NDUFA10: variants seen among roughly 807,000 people sequenced by gnomAD.
NDUFA10 encodes the protein NADH dehydrogenase [ubiquinone] 1 alpha subcomplex subunit 10, mitochondrial.
NDUFA10 carries 40 observed loss-of-function variants against 47.8 expected under a neutral mutation model. That is an observed-to-expected ratio of 0.84 (90% CI 0.65 to 1.09). The LOEUF (loss-of-function observed/expected upper bound fraction) is 1.09, where lower values mean the gene tolerates loss of function less well. NDUFA10 is among the 50% of genes least tolerant of loss of function. NDUFA10 has a pLI of 0.00. For missense variants in NDUFA10, 413 were observed against 451.1 expected, an observed-to-expected ratio of 0.92 and a Z score of 0.76; for synonymous variants, 183 against 172.2, an observed-to-expected ratio of 1.06 and a Z score of -0.49.
chr2:239,994,381 C>T (rs767283084), intron 8 of NDUFA10, among the ~76,000 whole-genome samples: 2 of 151,920 alleles, frequency 1.3e-5, no homozygotes, highest in East Asian at 3.9e-4. Flanking sequence ...CTATTGTGAA[C>T]TGTGCATACA....
At chr2:239,970,079 G>A (rs1023615505) in intron 9 of NDUFA10, among the ~76,000 whole-genome samples, 8 of 152,120 alleles carry the variant, frequency 5.3e-5, no homozygotes, top group South Asian at 2.1e-4. Context: ...AGAAAACCAC[G>A]CAGATGCATG....
chr2:239,932,593 T>G (rs11676583), intron 4 of NDUFA10, among the ~76,000 whole-genome samples: 20,485 of 152,124 alleles, frequency 0.13, 1,433 homozygotes, highest in South Asian at 0.15. Context: ...ATTTTTTTTT[T>G]TTTTGAGACG....
intron 8 of NDUFA10, among the ~76,000 whole-genome samples, chr2:240,002,678 C>A (rs1696774955): frequency 6.6e-6 from 1 of 152,112 alleles, no homozygotes; most frequent in Non-Finnish European, 1.5e-5. Context: ...ACATGAGGAC[C>A]CCACAGTGTG....
chr2:239,898,980 A>ATGATGGAGAGGTATGATGGAGAGGTG lies in NDUFA10; in HGVS notation c.295-3667_295-3666insCACCTCTCCATCATACCTCTCCATCA, dbSNP rs1553552299. Among the ~76,000 whole-genome samples, 40 of 80,038 alleles carry ATGATGGAGAGGTATGATGGAGAGGTG rather than the reference A, an allele frequency of 5.0e-4. 2 individuals carry two copies. The East Asian group carries it at 6.6e-3, about 13-fold the overall frequency. The allele number at this position is 80,038 out of a possible 152,430, so 52.5% of individuals were successfully genotyped here. On this transcript the variant is annotated intron_variant, in intron 4 of 5. Coordinates refer to the NDUFA10 transcript ENST00000419408. ...GTGTGGCAGGGTGTGATGAAGAGGT[A>ATGATGGAGAGGTATGATGGAGAGGTG]TGATGGAGAGGTGTGATGGAGAGGT...
intron 4 of NDUFA10, among the ~76,000 whole-genome samples, chr2:239,913,558 A>G (rs1192867678): frequency 6.6e-6 from 1 of 152,124 alleles, no homozygotes; most frequent in Non-Finnish European, 1.5e-5. Context: ...GTCTGCTACC[A>G]CTGCAGACAT....
chr2:239,964,084 G>A (rs1694963665), intron 9 of NDUFA10, among the ~76,000 whole-genome samples: 1 of 152,210 alleles, frequency 6.6e-6, no homozygotes, highest in African/African-American at 2.4e-5. Flanking sequence ...GCCCATGCAT[G>A]TGCAGGGGGC....
At chr2:239,996,183 C>T (rs1272855220) in intron 8 of NDUFA10, among the ~76,000 whole-genome samples, 6 of 152,200 alleles carry the variant, frequency 3.9e-5, no homozygotes, top group Non-Finnish European at 5.9e-5. Context: ...GACTTGAATA[C>T]CACCGTCAAT....
Position 239,959,512 on chromosome 2 carries a change from T to C in NDUFA10, c.*1606A>G. 1.0e-6 allele frequency: 1 copy of C among 985,476 alleles called. No individual in the cohort carries two copies. Among genetic ancestry groups the C allele is most frequent in the Non-Finnish European group, 1.2e-6 (1 of 829,936 alleles). 61.0% of individuals were successfully genotyped at this position (985,476 alleles called of 1,614,324 possible). ...CCCAATGCCCAGCTGTGCTTTCATTTCATGATTAAAGCTGTTGGTTTCCTA... is the reference window on the plus strand; with the variant it reads ...CCCAATGCCCAGCTGTGCTTTCATTCCATGATTAAAGCTGTTGGTTTCCTA... On this transcript the variant is annotated 3_prime_UTR_variant, in exon 10 of 10. Transcript: ENST00000252711.
At chr2:239,976,189 A>G (rs139711706) in intron 9 of NDUFA10, among the ~76,000 whole-genome samples, 131 of 152,288 alleles carry the variant, frequency 8.6e-4, no homozygotes, top group African/African-American at 2.8e-3. Flanking sequence ...ACAATGTGCA[A>G]TGCCCTCTGA....
chr2:239,902,764 T>C (rs13432076), intron 4 of NDUFA10, among the ~76,000 whole-genome samples: 128,846 of 152,094 alleles, frequency 0.85, 54,623 homozygotes, highest in East Asian at 0.99. Context: ...CACCGTTTAG[T>C]GGCAGGGTGG....
Position 240,014,786 on chromosome 2 carries a change from C to G in NDUFA10, c.622G>C (p.Asp208His), listed in dbSNP as rs200387097. 2.1e-5 allele frequency: 34 copies of G among 1,614,040 alleles called. No individual in the cohort carries two copies. The highest frequency in any genetic ancestry group is 2.7e-5 in the Non-Finnish European group (32 of 1,180,046). ...CTCTGGACCTCTGGAACGGGCACATCGATGTAAATCACCAGGTGGGGGGGC... is the reference window on the plus strand; with the variant it reads ...CTCTGGACCTCTGGAACGGGCACATGGATGTAAATCACCAGGTGGGGGGGC... ...YLPPHLVIYIDVPVPEVQRRI... is the reference protein window; with the variant it reads ...YLPPHLVIYIHVPVPEVQRRI... Residue 208 changes from aspartate (D) to histidine (H), a missense_variant, in exon 5 of 10, where the codon GAT (aspartate) becomes CAT (histidine). Asp to His is a moderately conservative substitution (Grantham distance 81). Transcript: ENST00000252711.
In NDUFA10 at chr2:240,021,195, A is replaced by T; in HGVS notation, c.460+2T>A. The T allele has an allele frequency of 6.2e-7, 1 of 1,612,766 alleles. No individual in the cohort carries two copies. On this transcript the variant is annotated splice_donor_variant, in intron 3 of 9. Transcript: ENST00000252711. LOFTEE classifies it high-confidence loss of function. Reference sequence around the variant, plus strand: ...AGATCTAACTGCCCAGAAATACTGCACCTGTGGTCAGCAAGTGCTCCAAGG... The same window carrying T: ...AGATCTAACTGCCCAGAAATACTGCTCCTGTGGTCAGCAAGTGCTCCAAGG...
chr2:239,915,599 TAC>T (rs528123556), intron 4 of NDUFA10, among the ~76,000 whole-genome samples: 5,736 of 120,988 alleles, frequency 0.047, 561 homozygotes, highest in African/African-American at 0.17. Flanking sequence ...GAGATACACA[TAC>T]ACACACACAC....
At chr2:240,012,197 CTCA>C (rs1697171190) in intron 5 of NDUFA10, 1 of 194,922 alleles carries the variant, frequency 5.1e-6, no homozygotes, top group Non-Finnish European at 1.1e-5. Flanking sequence ...TGTCACCTCT[CTCA>C]TCATCTGAAA....
At chr2:240,007,555 G>A (rs773576224) in intron 6 of NDUFA10, among the ~76,000 whole-genome samples, 185 bp from the exon 7 acceptor site, 1 of 152,194 alleles carries the variant, frequency 6.6e-6, no homozygotes, top group Non-Finnish European at 1.5e-5. Context: ...CATGTTAAAA[G>A]CCAGAATGTT....
At chr2:240,025,164 T>TGCCCCCCCCCCCCCCCCCCCCC in intron 1 of NDUFA10, 63 bp downstream of exon 1, 10 of 594,914 alleles carry the variant, frequency 1.7e-5, no homozygotes, top group East Asian at 3.4e-5. Context: ...GTGGAACTGC[T>TGCCCCCCCCCCCCCCCCCCCCC]CCCCACCCCG....
intron 8 of NDUFA10, among the ~76,000 whole-genome samples, chr2:240,004,991 T>G (rs558967050): frequency 6.6e-6 from 1 of 152,190 alleles, no homozygotes; most frequent in Non-Finnish European, 1.5e-5. Flanking sequence ...GTGTTGCACA[T>G]AGTGGAAGCA....
intron 4 of NDUFA10, among the ~76,000 whole-genome samples, chr2:239,923,133 AATAC>A (rs1482698572): frequency 3.3e-5 from 5 of 152,370 alleles, no homozygotes; most frequent in African/African-American, 7.2e-5. Context: ...AGCAATCCAA[AATAC>A]ATAGCCACTG....
In NDUFA10 at chr2:240,016,769, C is replaced by T. The variant is rs1373010169; in HGVS notation, c.547+1784G>A. Reference sequence around the variant, plus strand: ...CTCACGGTCAGTGCTGGACCCCCAACGCCTGCAGACTCCAGCCCAGGCCAG... The same window carrying T: ...CTCACGGTCAGTGCTGGACCCCCAATGCCTGCAGACTCCAGCCCAGGCCAG... On this transcript the variant is annotated intron_variant, in intron 4 of 9. Coordinates refer to ENST00000252711, the MANE Select transcript of NDUFA10 (RefSeq NM_004544.4). The surrounding 1 kb of genome is among the most constrained non-coding windows in gnomAD (Gnocchi z 4.4). Among the ~76,000 whole-genome samples, 1 of 152,158 alleles carries T rather than the reference C, an allele frequency of 6.6e-6. No individual in the cohort carries two copies. The highest frequency in any genetic ancestry group is 1.5e-5 in the Non-Finnish European group (1 of 68,022).
Sources: gnomAD v4.1 joint callset for allele counts (sites outside exome capture counted in the v4.1 genomes callset) on GRCh38, gnomAD v4.1.1 for gene constraint, Gnocchi (gnomAD v3.1) non-coding constraint, MANE v1.5 for transcripts, NCBI Gene and HGNC (gene_info 2026-07-23, HGNC 2026-07-21) for gene names.